TIAM1: variants seen among roughly 807,000 people sequenced by gnomAD.
TIAM1 encodes the protein rho guanine nucleotide exchange factor TIAM1.
Under a neutral mutation model 163.5 loss-of-function variants are expected in TIAM1, and 65 were observed. The ratio of observed to expected loss-of-function variants is 0.40; its 90% CI spans 0.33 to 0.49. TIAM1 has a LOEUF of 0.49. TIAM1 is among the 20% of genes least tolerant of loss of function. TIAM1 has a pLI of 0.77. For missense variants in TIAM1, 1,789 were observed against 2,044.7 expected (o/e 0.87, Z 2.41); for synonymous variants, 833 against 810.1 (o/e 1.03, Z -0.48).
At chr21:31,292,253 T>A (rs2074050345) in intron 2 of TIAM1, among the ~76,000 whole-genome samples, 1 of 152,216 alleles carries the variant, frequency 6.6e-6, no homozygotes, top group South Asian at 2.1e-4. Flanking sequence ...TTTCTTTCTT[T>A]CCTCTTGTGT....
chr21:31,371,838 G>A (rs567653492), intron 2 of TIAM1, among the ~76,000 whole-genome samples: 2 of 152,194 alleles, frequency 1.3e-5, no homozygotes, highest in South Asian at 4.2e-4. Context: ...TCTTCATAAC[G>A]GCTCTCAGAC....
At chr21:31,493,279 T>C (rs138971934) in intron 1 of TIAM1, among the ~76,000 whole-genome samples, 245 of 152,202 alleles carry the variant, frequency 1.6e-3, no homozygotes, top group African/African-American at 5.8e-3. Flanking sequence ...ATAATCTAAT[T>C]AGGAGCAGGG....
At chr21:31,307,611 G>T (rs948702363) in intron 2 of TIAM1, among the ~76,000 whole-genome samples, 15 of 152,072 alleles carry the variant, frequency 9.9e-5, no homozygotes, top group African/African-American at 3.4e-4. Context: ...AGGTGGGTGC[G>T]ATCATCTAAT....
chr21:31,419,522 C>T (rs1298211613), intron 2 of TIAM1, among the ~76,000 whole-genome samples: 2 of 152,182 alleles, frequency 1.3e-5, no homozygotes, highest in African/African-American at 4.8e-5. Flanking sequence ...TATGTCCAGA[C>T]GCTGATGACA....
intron 2 of TIAM1, among the ~76,000 whole-genome samples, chr21:31,355,339 G>C (rs893341679): frequency 1.3e-5 from 2 of 151,974 alleles, no homozygotes; most frequent in Non-Finnish European, 2.9e-5. Context: ...TGGCCACCTT[G>C]GTCTATTTGC....
chr21:31,213,245 T>A (rs1200873690), intron 10 of TIAM1, 153 bp downstream of exon 10: 2 of 598,652 alleles, frequency 3.3e-6, no homozygotes, highest in Admixed American at 7.1e-5. Context: ...TGATTTTCCA[T>A]CTCTTGTTGA....
chr21:31,375,111 T>C (rs28525356), intron 2 of TIAM1, among the ~76,000 whole-genome samples: 37,553 of 152,162 alleles, frequency 0.25, 4,899 homozygotes, highest in Middle Eastern at 0.47. Context: ...ATACCCACTT[T>C]TGAACTCTTA....
intron 1 of TIAM1, among the ~76,000 whole-genome samples, chr21:31,510,949 GAC>G (rs1274162946): frequency 6.6e-6 from 1 of 152,150 alleles, no homozygotes; most frequent in Non-Finnish European, 1.5e-5. Flanking sequence ...GAAGAAAAAA[GAC>G]ACAAAGATAC....
chr21:31,546,187 TAA>T (rs11331323), intron 1 of TIAM1, among the ~76,000 whole-genome samples: 56,098 of 144,732 alleles, frequency 0.39, 12,321 homozygotes, highest in African/African-American at 0.61. Flanking sequence ...ATTTGTAATT[TAA>T]AAAAAAAAAA....
chr21:31,210,774 GAAAGAAAGAAAGAA>G (rs1569034574), intron 10 of TIAM1, among the ~76,000 whole-genome samples: 5 of 140,592 alleles, frequency 3.6e-5, no homozygotes, highest in African/African-American at 1.2e-4. Flanking sequence ...AAGAAAGAAA[GAAAGAAAGAAAGAA>G]AGAAAGAAAG....
rs183033068 is a variant in TIAM1, at chr21:31,138,563, G to A, written c.3775-2522C>T. Among the ~76,000 whole-genome samples the A allele has an allele frequency of 1.6e-3, 250 of 152,258 alleles. 1 individual carries two copies. The highest frequency in any genetic ancestry group is 3.4e-3 in the Middle Eastern group (1 of 294). Reference sequence around the variant, plus strand: ...TTGTGAAAATCTGAATATAATTTGGGTACCTCCACAATCACCCGCCTGAGT... The same window carrying A: ...TTGTGAAAATCTGAATATAATTTGGATACCTCCACAATCACCCGCCTGAGT... On this transcript the variant is annotated intron_variant, in intron 22 of 27. Coordinates refer to ENST00000541036, the MANE Select transcript of TIAM1 (RefSeq NM_001353694.2).
At chr21:31,355,536 T>TTTAA (rs2076302136) in intron 2 of TIAM1, among the ~76,000 whole-genome samples, 1 of 41,084 alleles carries the variant, frequency 2.4e-5, no homozygotes, top group Non-Finnish European at 4.9e-5. Context: ...TTATTATTTA[T>TTTAA]TTATTTATTT....
chr21:31,213,573 A>C (rs1449479993), intron 9 of TIAM1, 101 bp from the exon 10 acceptor site: 1 of 963,264 alleles, frequency 1.0e-6, no homozygotes, highest in African/African-American at 1.6e-5. Flanking sequence ...ACAAAACCTT[A>C]CACACGTGTT....
Position 31,141,196 on chromosome 21 carries a change from A to G in TIAM1, c.3696T>C (p.Asn1232=). 1.2e-6 allele frequency: 2 copies of G among 1,612,812 alleles called. No individual in the cohort carries two copies. The highest frequency in any genetic ancestry group is 1.7e-6 in the Non-Finnish European group (2 of 1,178,820). The stretch of plus-strand genomic sequence containing the variant: ...ACTCTTCATGGATTTTCTGCATCTC[A>G]TTGATGTGACTGGCAACCTTGTTCA... ...KTMNKVASHI[N]EMQKIHEEFG... The change falls in exon 22 of 28, where the codon AAT becomes AAC. Residue 1232 remains asparagine (N), a synonymous_variant. Transcript: ENST00000541036. This position sits in a 1 kb window ranked among gnomAD's most constrained non-coding sequence, Gnocchi z 4.7.
Position 31,136,056 on chromosome 21 carries a change from C to T in TIAM1, c.3775-15G>A, listed in dbSNP as rs189036077. 6 of 1,606,126 alleles carry T rather than the reference C, an allele frequency of 3.7e-6. No homozygotes were observed. The highest frequency in any genetic ancestry group is 1.7e-5 in the Admixed American group (1 of 59,818). ...AGATCTGCAACCTGAAAGCCAGAGA[C>T]GTGACAAAGCTTACTGGGTGGTGTT... is the stretch of plus-strand genomic sequence containing the variant. On this transcript the variant is annotated splice_polypyrimidine_tract_variant and intron_variant, in intron 22 of 27. Transcript: ENST00000541036.
At chr21:31,502,958 A>C (rs1470560774) in intron 1 of TIAM1, among the ~76,000 whole-genome samples, 1 of 152,196 alleles carries the variant, frequency 6.6e-6, no homozygotes, top group African/African-American at 2.4e-5. Context: ...CAAATCAAAA[A>C]TAGAGGAAAA....
intron 2 of TIAM1, among the ~76,000 whole-genome samples, chr21:31,460,241 C>T (rs572333387): frequency 2.6e-5 from 4 of 152,256 alleles, no homozygotes; most frequent in African/African-American, 9.6e-5. Context: ...AGGATGATCC[C>T]CTGTCCCTGC....
At chr21:31,531,552 AAAG>A (rs1176528476) in intron 1 of TIAM1, among the ~76,000 whole-genome samples, 7 of 152,194 alleles carry the variant, frequency 4.6e-5, no homozygotes, top group Non-Finnish European at 1.0e-4. Context: ...GTGAAAGAAA[AAAG>A]AAGAGGAAGA....
At chr21:31,140,801 TCATGACATTTCTAG>T (rs1179818427) in intron 22 of TIAM1, among the ~76,000 whole-genome samples, 1 of 152,190 alleles carries the variant, frequency 6.6e-6, no homozygotes, top group Non-Finnish European at 1.5e-5. Context: ...CCTTGGACTT[TCATGACATTTCTAG>T]AAACAGCCCA....
Sources: allele counts gnomAD v4.1 joint callset (sites outside exome capture counted in the v4.1 genomes callset), GRCh38; gene constraint gnomAD v4.1.1; non-coding constraint Gnocchi (gnomAD v3.1); transcripts MANE v1.5; gene names NCBI Gene and HGNC (gene_info 2026-07-23, HGNC 2026-07-21).